Variants in CDH4 observed in about 807,000 individuals in gnomAD.
The protein encoded by CDH4 is cadherin-4.
A neutral mutation model predicts 86.0 loss-of-function variants in CDH4; 33 were observed. The ratio of observed to expected loss-of-function variants is 0.38; its 90% CI spans 0.29 to 0.51. CDH4 has a LOEUF of 0.51. CDH4 is among the 20% of genes least tolerant of loss of function. The pLI is 0.86. For synonymous variants in CDH4, 555 were observed against 549.4 expected (o/e 1.01, Z -0.14); for missense variants, 1,114 against 1,307.4 (o/e 0.85, Z 2.28).
chr20:61,773,706 G>A (rs544745779), intron 4 of CDH4, among the ~76,000 whole-genome samples: 2 of 152,278 alleles, frequency 1.3e-5, no homozygotes, highest in East Asian at 3.9e-4. Flanking sequence ...CCATCAACGA[G>A]CAATTTCTTC....
chr20:61,437,622 A>G (rs2085291488), intron 2 of CDH4: 2 of 152,166 alleles, frequency 1.3e-5, no homozygotes, highest in African/African-American at 4.8e-5. Context: ...ATGGATCGTC[A>G]GTGTGTTCGG....
At chr20:61,660,912 G>A (rs971026028) in intron 2 of CDH4, among the ~76,000 whole-genome samples, 7 of 152,064 alleles carry the variant, frequency 4.6e-5, no homozygotes, top group Non-Finnish European at 1.0e-4. Flanking sequence ...TCATGGTCCC[G>A]CAGCCTCTGG....
intron 2 of CDH4, among the ~76,000 whole-genome samples, chr20:61,288,892 G>A (rs1240876245): frequency 1.3e-5 from 2 of 152,196 alleles, no homozygotes; most frequent in African/African-American, 2.4e-5. Context: ...ATGTTCTGAG[G>A]CGGAAGTCAT....
At chr20:61,276,706 G>T (rs1167626610) in intron 2 of CDH4, among the ~76,000 whole-genome samples, 3 of 152,308 alleles carry the variant, frequency 2.0e-5, no homozygotes, top group East Asian at 3.9e-4. Flanking sequence ...TGGTGGTCCT[G>T]GGCAGTGGAG....
At chr20:61,281,195 G>T (rs1381266029) in intron 2 of CDH4, among the ~76,000 whole-genome samples, 1 of 152,152 alleles carries the variant, frequency 6.6e-6, no homozygotes, top group Non-Finnish European at 1.5e-5. Flanking sequence ...TTCTCACCAA[G>T]GGCCGTGGTC....
intron 2 of CDH4, among the ~76,000 whole-genome samples, chr20:61,671,016 T>A (rs1168267152): frequency 6.6e-6 from 1 of 152,170 alleles, no homozygotes; most frequent in Admixed American, 6.5e-5. Context: ...CATGTACATA[T>A]CAAATCCGGC....
chr20:61,677,546 TTTTA>T (rs761502329), intron 2 of CDH4, among the ~76,000 whole-genome samples: 20 of 152,164 alleles, frequency 1.3e-4, no homozygotes, highest in Non-Finnish European at 2.5e-4. Flanking sequence ...CTTTAGATTT[TTTTA>T]CTCATTCAGA....
Position 61,743,794 on chromosome 20 carries a change from G to A in CDH4, c.396+5G>A, listed in dbSNP as rs375901541. On this transcript the variant is annotated splice_donor_5th_base_variant and intron_variant, in intron 3 of 15. Transcript: ENST00000614565. ...TCCCCGCACTCTGGACACAAGGTAA[G>A]GTGTGACCGCCCGGGTCTGCGCTGG... is the stretch of plus-strand genomic sequence containing the variant. 37 of 1,585,510 alleles carry A rather than the reference G, an allele frequency of 2.3e-5. No individual in the cohort carries two copies. In the African/African-American group the frequency reaches 4.3e-4, roughly 18 times the overall value.
chr20:61,701,153 C>T lies in CDH4; in HGVS notation c.170-42410C>T, dbSNP rs369363159. Among the ~76,000 whole-genome samples, 48 of 152,288 alleles carry T rather than the reference C, an allele frequency of 3.2e-4. No individual in the cohort carries two copies. The South Asian group carries it at 8.5e-3, about 27-fold the overall frequency. On this transcript the variant is annotated intron_variant, in intron 2 of 15. Transcript: ENST00000614565. ...ATCTTCTTCCCGCATCTCTTCACAT[C>T]GCCTTCCCTCTGGGAGTGTGTCTGT... is the stretch of plus-strand genomic sequence containing the variant.
At chr20:61,454,515 G>A (rs1352317353) in intron 2 of CDH4, among the ~76,000 whole-genome samples, 1 of 152,066 alleles carries the variant, frequency 6.6e-6, no homozygotes, top group African/African-American at 2.4e-5. Flanking sequence ...GCGCGATCTC[G>A]GCTCACTGCA....
chr20:61,450,971 T>C (rs943531588), intron 2 of CDH4, among the ~76,000 whole-genome samples: 5 of 152,012 alleles, frequency 3.3e-5, no homozygotes, highest in African/African-American at 1.2e-4. Flanking sequence ...CAGATAGCCA[T>C]GATGCATCTG....
intron 2 of CDH4, among the ~76,000 whole-genome samples, chr20:61,611,446 T>C (rs2086684639): frequency 6.6e-6 from 1 of 151,974 alleles, no homozygotes; most frequent in South Asian, 2.1e-4. Flanking sequence ...TGGGATGAGG[T>C]TGGTGATCCC....
chr20:61,858,730 G>A (rs1403534532), intron 6 of CDH4, among the ~76,000 whole-genome samples: 1 of 152,196 alleles, frequency 6.6e-6, no homozygotes, highest in Non-Finnish European at 1.5e-5. Flanking sequence ...TGTACAGCCA[G>A]GTCGTATCCA....
chr20:61,630,311 G>T (rs1202113412), intron 2 of CDH4, among the ~76,000 whole-genome samples: 3 of 152,206 alleles, frequency 2.0e-5, no homozygotes, highest in Admixed American at 1.3e-4. Context: ...ACTTGGGCTT[G>T]AAGAGTCTGC....
intron 2 of CDH4, among the ~76,000 whole-genome samples, chr20:61,705,341 C>T (rs73915356): frequency 2.0e-5 from 3 of 152,202 alleles, no homozygotes; most frequent in African/African-American, 7.2e-5. Context: ...GTACAACAGC[C>T]GATCTGGGGG....
At position 61,356,339 on chromosome 20, in the gene CDH4, G is replaced by A. The variant is rs186088258; in HGVS notation, c.169+101402G>A. On this transcript the variant is annotated intron_variant, in intron 2 of 15. Coordinates refer to ENST00000614565, the MANE Select transcript of CDH4 (RefSeq NM_001794.5). ...CCTGCCAAGCAGCAGGCCATTCCCC[G>A]GCGGAGAACTGCTGTTTCCCAGAGT... 1.8e-3 allele frequency among the ~76,000 whole-genome samples: 281 copies of A among 152,226 alleles called. 6 individuals carry two copies. The highest frequency in any genetic ancestry group is 0.014 in the Admixed American group (220 of 15,296).
chr20:61,297,468 C>A (rs1388152745), intron 2 of CDH4, among the ~76,000 whole-genome samples: 6 of 152,222 alleles, frequency 3.9e-5, no homozygotes, highest in African/African-American at 1.4e-4. Context: ...TAAAGTAATA[C>A]CCTGGATGAA....
chr20:61,823,090 A>AGAATTCTC (rs1214598133), intron 4 of CDH4, among the ~76,000 whole-genome samples: 1 of 152,130 alleles, frequency 6.6e-6, no homozygotes, highest in African/African-American at 2.4e-5. Context: ...TGTCTGATGG[A>AGAATTCTC]GAATTCTCTT....
At chr20:61,778,588 A>G (rs1198236882) in intron 4 of CDH4, among the ~76,000 whole-genome samples, 1 of 152,012 alleles carries the variant, frequency 6.6e-6, no homozygotes, top group Non-Finnish European at 1.5e-5. Flanking sequence ...CAAAGCAGGG[A>G]GCCACGCCTG....
Sources: allele counts gnomAD v4.1 joint callset (sites outside exome capture counted in the v4.1 genomes callset), GRCh38; gene constraint gnomAD v4.1.1; transcripts MANE v1.5; gene names NCBI Gene and HGNC (gene_info 2026-07-23, HGNC 2026-07-21).